ZNF573: variants seen among roughly 807,000 people sequenced by gnomAD.
ZNF573 encodes zinc finger protein 573.
In ZNF573, 41 loss-of-function variants were observed where a neutral mutation model predicts 57.4. The observed-to-expected ratio is 0.71, with a 90% CI of 0.56 to 0.93. The LOEUF is 0.93. Among genes scored for constraint, ZNF573 ranks in the 40% least tolerant of loss-of-function variants. The pLI is 0.00. For missense variants in ZNF573, 730 were observed against 794.8 expected, an observed-to-expected ratio of 0.92 and a Z score of 0.98; for synonymous variants, 249 against 261.0, an observed-to-expected ratio of 0.95 and a Z score of 0.44.
chr19:37,747,971 C>G (rs969368969), intron 4 of ZNF573, among the ~76,000 whole-genome samples: 1 of 152,194 alleles, frequency 6.6e-6, no homozygotes, highest in Non-Finnish European at 1.5e-5. Flanking sequence ...CAGGCATGAG[C>G]CACCGCGCCC....
At chr19:37,748,180 G>C (rs76427477) in intron 4 of ZNF573, among the ~76,000 whole-genome samples, 2 of 152,152 alleles carry the variant, frequency 1.3e-5, no homozygotes, top group Non-Finnish European at 2.9e-5. Context: ...ACCCCTAACT[G>C]GATGCATCTT....
chr19:37,769,934 C>A lies in ZNF573; in HGVS notation c.295+71G>T. On this transcript the variant is annotated intron_variant, in intron 4 of 4. Coordinates refer to ENST00000536220, the MANE Select transcript of ZNF573 (RefSeq NM_001172690.2). The stretch of plus-strand genomic sequence containing the variant: ...CCTTGGAGGAAGGTTTCACAAACAA[C>A]ACAAAAATGTCTCCTTTCTCTTACC... 2.2e-6 allele frequency: 3 copies of A among 1,363,452 alleles called. No individual in the cohort carries two copies. The East Asian group carries it at 7.5e-5, about 34-fold the overall frequency. 84.5% of individuals were successfully genotyped at this position (1,363,452 alleles called of 1,614,324 possible).
At chr19:37,762,857 C>T (rs1420212204) in intron 4 of ZNF573, among the ~76,000 whole-genome samples, 8 of 151,568 alleles carry the variant, frequency 5.3e-5, no homozygotes, top group Admixed American at 4.6e-4. Flanking sequence ...CTGCAACCTC[C>T]GACTCCCTGG....
At chr19:37,740,350 A>C in intron 4 of ZNF573, 156 bp from the exon 5 acceptor site, 1 of 660,982 alleles carries the variant, frequency 1.5e-6, no homozygotes, top group Non-Finnish European at 2.5e-6. Context: ...AAAAGAGTTC[A>C]GAGACGTATG....
chr19:37,765,647 T>A (rs1026283821), intron 4 of ZNF573, among the ~76,000 whole-genome samples: 1 of 151,020 alleles, frequency 6.6e-6, no homozygotes, highest in Admixed American at 6.6e-5. Context: ...GAGACGGAGG[T>A]TGCAGTGAGC....
chr19:37,753,048 A>G (rs2145296857), intron 4 of ZNF573, among the ~76,000 whole-genome samples: 1 of 152,266 alleles, frequency 6.6e-6, no homozygotes, highest in Admixed American at 6.5e-5. Flanking sequence ...TGAGCCCAGG[A>G]GTTCAAGATC....
At chr19:37,769,727 G>GAAAAA (rs397944905) in intron 4 of ZNF573, among the ~76,000 whole-genome samples, 301 of 53,530 alleles carry the variant, frequency 5.6e-3, no homozygotes, top group Non-Finnish European at 6.6e-3. Context: ...CTCTGTCTCG[G>GAAAAA]AAAAAAAAAA....
intron 4 of ZNF573, among the ~76,000 whole-genome samples, chr19:37,757,191 GTTATTA>G (rs150921074): frequency 6.6e-6 from 1 of 151,210 alleles, no homozygotes; most frequent in Non-Finnish European, 1.5e-5. Context: ...TATTATTGTT[GTTATTA>G]TTATTATTAT....
intron 2 of ZNF573, among the ~76,000 whole-genome samples, chr19:37,772,386 G>A (rs953409789): frequency 6.6e-6 from 1 of 151,824 alleles, no homozygotes; most frequent in Non-Finnish European, 1.5e-5. Flanking sequence ...GCCTGCCTCA[G>A]CCTCCCAAAG....
Position 37,738,844 on chromosome 19 carries a change from G to A in ZNF573, c.1646C>T (p.Thr549Ile). ...RNLTLHQSIH[T>I]DEKPFECKEC... ...CTTACATTCAAAAGGTTTCTCATCA[G>A]TATGAATACTTTGATGTAGAGTAAG... Residue 549 changes from threonine (T) to isoleucine (I), a missense_variant, in exon 5 of 5, where the codon ACT becomes ATT. Coordinates refer to ENST00000536220, the MANE Select transcript of ZNF573 (RefSeq NM_001172690.2). 6.2e-7 allele frequency: 1 copy of A among 1,612,774 alleles called. No homozygotes were observed.
intron 4 of ZNF573, among the ~76,000 whole-genome samples, chr19:37,750,831 C>CAAAAAAAAAAAAA (rs537735677): frequency 1.0e-5 from 1 of 98,224 alleles, no homozygotes. Flanking sequence ...GACCCAGTCT[C>CAAAAAAAAAAAAA]AAAAAAAAAA....
intron 4 of ZNF573, among the ~76,000 whole-genome samples, chr19:37,741,610 G>C (rs1304451618): frequency 6.6e-6 from 1 of 152,024 alleles, no homozygotes; most frequent in Non-Finnish European, 1.5e-5. Context: ...TACAGAAAAG[G>C]CCTTTGATAA....
chr19:37,738,943 T>C lies in ZNF573; in HGVS notation c.1547A>G (p.His516Arg). ...TFSLHGYLNQ[H>R]QKIHTGMKPY... The stretch of plus-strand genomic sequence containing the variant: ...TTTCATACCAGTATGAATTTTCTGA[T>C]GTTGATTAAGATATCCATGCAAGCT... Residue 516 changes from histidine to arginine, a missense_variant, in exon 5 of 5, where the codon CAT becomes CGT. Coordinates refer to ENST00000536220, the MANE Select transcript of ZNF573 (RefSeq NM_001172690.2). 1 of 1,610,828 alleles carries C rather than the reference T, an allele frequency of 6.2e-7. No individual in the cohort carries two copies. Among genetic ancestry groups the C allele is most frequent in the Non-Finnish European group, 8.5e-7 (1 of 1,177,140 alleles).
chr19:37,744,610 A>G (rs1259435177), intron 4 of ZNF573, among the ~76,000 whole-genome samples: 1 of 151,738 alleles, frequency 6.6e-6, no homozygotes, highest in East Asian at 2.0e-4. Flanking sequence ...GCATGGTGGC[A>G]TGCACTTGTG....
At chr19:37,757,235 C>T (rs1443220186) in intron 4 of ZNF573, among the ~76,000 whole-genome samples, 1 of 152,006 alleles carries the variant, frequency 6.6e-6, no homozygotes, top group Admixed American at 6.6e-5. Context: ...CTCACTCTGT[C>T]GCCCAGGCTA....
chr19:37,769,238 G>A (rs2145326313), intron 4 of ZNF573, among the ~76,000 whole-genome samples: 1 of 151,960 alleles, frequency 6.6e-6, no homozygotes. Flanking sequence ...AAAGTGTTGG[G>A]ATTACAGGCA....
chr19:37,775,449 C>T (rs1005343044), intron 1 of ZNF573, among the ~76,000 whole-genome samples: 2 of 152,134 alleles, frequency 1.3e-5, no homozygotes, highest in East Asian at 1.9e-4. Context: ...ATCAATGCCA[C>T]GTCCACATGA....
At chr19:37,779,439 C>T (rs1417941043) in intron 1 of ZNF573, 105 bp downstream of exon 1, 1 of 152,478 alleles carries the variant, frequency 6.6e-6, no homozygotes, top group Non-Finnish European at 1.5e-5. Flanking sequence ...GGGCTTCCTC[C>T]ACCACCCCGG....
chr19:37,744,770 A>G (rs2045363614), intron 4 of ZNF573, among the ~76,000 whole-genome samples: 1 of 150,902 alleles, frequency 6.6e-6, no homozygotes, highest in Admixed American at 6.6e-5. Flanking sequence ...AAAAAAAAAG[A>G]AAAAAGAAAA....
Sources: gnomAD v4.1 joint callset for allele counts (sites outside exome capture counted in the v4.1 genomes callset) on GRCh38, gnomAD v4.1.1 for gene constraint, MANE v1.5 for transcripts, NCBI Gene and HGNC (gene_info 2026-07-23, HGNC 2026-07-21) for gene names.